Variants in OPCML observed in about 807,000 individuals in gnomAD.
The protein encoded by OPCML is opioid binding protein/cell adhesion molecule like.
Under a neutral mutation model 37.8 loss-of-function variants are expected in OPCML, and 13 were observed. That is an observed-to-expected ratio of 0.34 (90% CI 0.22 to 0.55). The LOEUF (loss-of-function observed/expected upper bound fraction) is 0.55. Among genes scored for constraint, OPCML ranks in the 20% least tolerant of loss-of-function variants. OPCML has a pLI of 0.91. For synonymous variants in OPCML, 176 were observed against 168.8 expected (o/e 1.04, Z -0.33); for missense variants, 341 against 435.6 (o/e 0.78, Z 1.93).
chr11:133,219,915 G>A (rs1481865724), intron 1 of OPCML, among the ~76,000 whole-genome samples: 1 of 152,182 alleles, frequency 6.6e-6, no homozygotes, highest in East Asian at 1.9e-4. Flanking sequence ...TAAAATGCCA[G>A]TGGCGCTAAG....
chr11:133,413,720 C>T (rs1482372561), intron 1 of OPCML, among the ~76,000 whole-genome samples: 2 of 152,058 alleles, frequency 1.3e-5, no homozygotes, highest in African/African-American at 4.8e-5. Flanking sequence ...GGGGTCTTAT[C>T]CAGGATGAAA....
chr11:132,420,104 G>A lies in OPCML; in HGVS notation c.*89C>T. Reference sequence around the variant, plus strand: ...CTAGAATAACAGAAAAAAACAAAAAGAAGCCCAAGCTGGTTTGCTCTCCGC... The same window carrying A: ...CTAGAATAACAGAAAAAAACAAAAAAAAGCCCAAGCTGGTTTGCTCTCCGC... On this transcript the variant is annotated 3_prime_UTR_variant, in exon 8 of 8. Transcript: ENST00000524381. 302 of 909,496 alleles carry A rather than the reference G, an allele frequency of 3.3e-4. No homozygotes were observed. The highest frequency in any genetic ancestry group is 2.4e-3 in the South Asian group (88 of 36,940). 56.3% of individuals were successfully genotyped at this position (909,496 alleles called of 1,614,324 possible). A position where few individuals can be genotyped will look rare whatever the true frequency, so the allele number is the denominator to read the frequency against.
intron 1 of OPCML, chr11:133,297,630 C>T (rs1942663343): frequency 6.6e-6 from 1 of 152,212 alleles, no homozygotes; most frequent in Non-Finnish European, 1.5e-5. Context: ...ACTGTCATCA[C>T]AGATTACATA....
At chr11:133,250,534 AGG>A (rs1941095352) in intron 1 of OPCML, among the ~76,000 whole-genome samples, 1 of 107,324 alleles carries the variant, frequency 9.3e-6, no homozygotes, top group Admixed American at 1.1e-4. Context: ...GGAGGGAGGG[AGG>A]GAAGGAAGGA....
At chr11:132,425,880 G>T (rs2095976344) in intron 7 of OPCML, among the ~76,000 whole-genome samples, 1 of 152,166 alleles carries the variant, frequency 6.6e-6, no homozygotes, top group African/African-American at 2.4e-5. Context: ...CCACATTTAA[G>T]GACTCTTTCT....
chr11:132,977,305 T>G (rs557934345), intron 1 of OPCML, among the ~76,000 whole-genome samples: 1 of 152,332 alleles, frequency 6.6e-6, no homozygotes, highest in Admixed American at 6.5e-5. Flanking sequence ...TTTGTTCCCC[T>G]GCCCTGGGCT....
intron 4 of OPCML, among the ~76,000 whole-genome samples, chr11:132,459,590 G>C (rs1041168270): frequency 6.7e-6 from 1 of 149,660 alleles, no homozygotes; most frequent in African/African-American, 2.5e-5. Flanking sequence ...GATCCTACTG[G>C]TTCTGTTTCT....
intron 2 of OPCML, among the ~76,000 whole-genome samples, chr11:132,674,318 C>T (rs1942610458): frequency 6.6e-6 from 1 of 152,134 alleles, no homozygotes; most frequent in African/African-American, 2.4e-5. Flanking sequence ...AAAGGAAATC[C>T]AAAGCCTCTG....
At chr11:132,956,702 G>A (rs959892129) in intron 1 of OPCML, among the ~76,000 whole-genome samples, 7 of 152,076 alleles carry the variant, frequency 4.6e-5, no homozygotes, top group African/African-American at 1.7e-4. Context: ...GTCCACTAAT[G>A]CCCCATACCC....
At chr11:133,511,644 G>A (rs1450386183) in intron 1 of OPCML, among the ~76,000 whole-genome samples, 2 of 150,942 alleles carry the variant, frequency 1.3e-5, no homozygotes, top group Non-Finnish European at 1.5e-5. Flanking sequence ...GGCCAGACTG[G>A]CCTGTTTGTA....
intron 4 of OPCML, among the ~76,000 whole-genome samples, chr11:132,510,147 T>G (rs1194206008): frequency 2.0e-5 from 3 of 152,226 alleles, no homozygotes; most frequent in Admixed American, 2.0e-4. Flanking sequence ...ATGTTGGATT[T>G]TGGACTTGCA....
chr11:132,694,177 GTCTT>G (rs1565781250), intron 2 of OPCML, among the ~76,000 whole-genome samples: 1 of 63,922 alleles, frequency 1.6e-5, no homozygotes, highest in African/African-American at 5.9e-5. Context: ...TGAAATCAAT[GTCTT>G]TTTTTTTTTT....
intron 1 of OPCML, among the ~76,000 whole-genome samples, chr11:132,984,109 T>C (rs1946641852): frequency 6.6e-6 from 1 of 152,194 alleles, no homozygotes; most frequent in African/African-American, 2.4e-5. Flanking sequence ...AGGTTGACCC[T>C]GCAGGTGATC....
chr11:132,771,149 A>G (rs1946622413), intron 2 of OPCML, among the ~76,000 whole-genome samples: 1 of 152,208 alleles, frequency 6.6e-6, no homozygotes, highest in African/African-American at 2.4e-5. Context: ...CCCTTTGTTC[A>G]CATGGAAAAA....
intron 1 of OPCML, among the ~76,000 whole-genome samples, chr11:132,944,002 C>T (rs1328886081): frequency 1.3e-5 from 2 of 151,838 alleles, no homozygotes; most frequent in African/African-American, 4.8e-5. Context: ...AGCGAGCGGG[C>T]TGGCGGGCGG....
intron 1 of OPCML, among the ~76,000 whole-genome samples, chr11:133,112,291 A>AAAAAAAAAAAAAAAAAAAAAAAAG (rs1949266976): frequency 7.1e-6 from 1 of 141,832 alleles, no homozygotes; most frequent in African/African-American, 2.7e-5. Flanking sequence ...TGGCCAAAAA[A>AAAAAAAAAAAAAAAAAAAAAAAAG]AAAAAAAAAA....
At chr11:133,386,992 A>T (rs1945069540) in intron 1 of OPCML, among the ~76,000 whole-genome samples, 1 of 152,212 alleles carries the variant, frequency 6.6e-6, no homozygotes, top group Admixed American at 6.5e-5. Context: ...ACTAAGGACG[A>T]TGACAGCACA....
intron 2 of OPCML, among the ~76,000 whole-genome samples, chr11:132,744,292 T>C (rs1945540142): frequency 6.6e-6 from 1 of 152,198 alleles, no homozygotes; most frequent in Non-Finnish European, 1.5e-5. Flanking sequence ...GACAATCCAT[T>C]GACCCCAGCT....
chr11:132,610,692 C>A (rs957033745), intron 3 of OPCML, among the ~76,000 whole-genome samples: 2 of 152,050 alleles, frequency 1.3e-5, no homozygotes, highest in African/African-American at 4.8e-5. Flanking sequence ...GAGACTCTGG[C>A]CAGACATTTC....
Sources: allele counts gnomAD v4.1 joint callset (sites outside exome capture counted in the v4.1 genomes callset), GRCh38; gene constraint gnomAD v4.1.1; transcripts MANE v1.5; gene names NCBI Gene and HGNC (gene_info 2026-07-23, HGNC 2026-07-21).